The following RIPK1 variants were observed in gnomAD, a reference collection of about 807,000 sequenced individuals.
RIPK1 encodes receptor-interacting serine/threonine-protein kinase 1.
RIPK1 carries 27 observed loss-of-function variants against 62.4 expected under a neutral mutation model. The observed-to-expected ratio is 0.43, with a 90% CI of 0.32 to 0.60. The LOEUF is 0.60. RIPK1 is among the 20% of genes least tolerant of loss of function. The pLI, the probability that RIPK1 is intolerant of heterozygous loss-of-function variation, is 0.07. For synonymous variants in RIPK1, 287 were observed against 303.2 expected, an observed-to-expected ratio of 0.95 and a Z score of 0.55; for missense variants, 735 against 831.0, an observed-to-expected ratio of 0.88 and a Z score of 1.42.
At chr6:3,071,123 C>T (rs1227523153) in intron 1 of RIPK1, among the ~76,000 whole-genome samples, 3 of 152,208 alleles carry the variant, frequency 2.0e-5, no homozygotes, top group Non-Finnish European at 2.9e-5. Context: ...AAGCATCAGG[C>T]TGCTGTAATC....
chr6:3,111,253 TTCA>T (rs35091993), intron 10 of RIPK1, among the ~76,000 whole-genome samples: 3,822 of 152,168 alleles, frequency 0.025, 84 homozygotes, highest in East Asian at 0.07. Context: ...GTGTTAAACT[TTCA>T]TCATCATCAT....
Position 3,105,764 on chromosome 6 carries a change from A to G in RIPK1, c.1289A>G (p.Gln430Arg). 1 of 1,614,254 alleles carries G rather than the reference A, an allele frequency of 6.2e-7. No homozygotes were observed. Among genetic ancestry groups the G allele is most frequent in the Non-Finnish European group, 8.5e-7 (1 of 1,180,040 alleles). Residue 430 changes from glutamine to arginine, a missense_variant, in exon 9 of 11, where the codon CAG (glutamine) becomes CGG (arginine). Around this residue, in one of 2 missense-constraint regions of RIPK1, gnomAD observed 671 missense variants for 726.2 expected, o/e 0.92. Transcript: ENST00000259808. This position sits in a 1 kb window ranked among gnomAD's most constrained non-coding sequence, Gnocchi z 4.5. ...CAGCAAAGACCTTACGAGAATTTTC[A>G]GAATACAGAGGGAAAAGGCACTGCT... ...FAQQRPYENFQNTEGKGTAYS... is the reference protein window; with the variant it reads ...FAQQRPYENFRNTEGKGTAYS...
chr6:3,077,273 A>G (rs1488012983), intron 2 of RIPK1, among the ~76,000 whole-genome samples: 4 of 152,138 alleles, frequency 2.6e-5, no homozygotes, highest in Non-Finnish European at 5.9e-5. Context: ...TGAAAAGGAA[A>G]CAGGAGGATG....
At chr6:3,077,018 G>A (rs753965185) in intron 2 of RIPK1, 31 bp downstream of exon 2, 4 of 1,560,598 alleles carry the variant, frequency 2.6e-6, no homozygotes, top group Non-Finnish European at 2.6e-6. Flanking sequence ...GGTGGGCTAA[G>A]TTCTGAGCGG....
chr6:3,073,343 C>T (rs935967061), intron 1 of RIPK1, among the ~76,000 whole-genome samples: 3 of 151,716 alleles, frequency 2.0e-5, no homozygotes, highest in Admixed American at 2.0e-4. Flanking sequence ...ATCCTTACCA[C>T]TTCTGTGAGG....
intron 1 of RIPK1, among the ~76,000 whole-genome samples, chr6:3,069,270 A>T (rs1205677848): frequency 2.0e-5 from 3 of 152,222 alleles, no homozygotes; most frequent in Admixed American, 6.5e-5. Context: ...TTGAGGCCGC[A>T]GCAGGTTCCA....
At position 3,106,153 on chromosome 6, in the gene RIPK1, G is replaced by A. The variant is rs1326656670; in HGVS notation, c.1576+102G>A. ...TAGATTGTGGGTTATAATGGGGACAGAGGGCATCATCAGCTGCCAGATGCA... is the reference window on the plus strand; with the variant it reads ...TAGATTGTGGGTTATAATGGGGACAAAGGGCATCATCAGCTGCCAGATGCA... On this transcript the variant is annotated intron_variant, in intron 9 of 10. Transcript: ENST00000259808. The A allele has an allele frequency of 3.3e-6, 3 of 908,160 alleles. No homozygotes were observed. The African/African-American group carries it at 5.0e-5, about 15-fold the overall frequency. 56.3% of individuals were successfully genotyped at this position (908,160 alleles called of 1,614,324 possible). A position where few individuals can be genotyped will look rare whatever the true frequency, so the allele number is the denominator to read the frequency against.
Position 3,072,405 on chromosome 6 carries a change from A to ATAT in RIPK1, c.-61+3744_-61+3745insTAT, listed in dbSNP as rs1491372194. ...TATCTATTTACATATATATATATAT[A>ATAT]AAACACACACAAATGTGAATATAAT... On this transcript the variant is annotated intron_variant, in intron 1 of 10. Transcript: ENST00000259808. This position sits in a 1 kb window ranked among gnomAD's most constrained non-coding sequence, Gnocchi z 5.6. Among the ~76,000 whole-genome samples the ATAT allele has an allele frequency of 2.7e-5, 4 of 149,308 alleles. No homozygotes were observed. Among genetic ancestry groups the ATAT allele is most frequent in the African/African-American group, 9.8e-5 (4 of 40,888 alleles).
chr6:3,080,602 G>C (rs1377025458), intron 3 of RIPK1, among the ~76,000 whole-genome samples: 1 of 152,164 alleles, frequency 6.6e-6, no homozygotes, highest in Non-Finnish European at 1.5e-5. Context: ...GTATCCCACA[G>C]AAACTGCTTG....
intron 7 of RIPK1, among the ~76,000 whole-genome samples, chr6:3,101,347 T>C (rs1354891470): frequency 6.6e-6 from 1 of 152,246 alleles, no homozygotes; most frequent in Non-Finnish European, 1.5e-5. Context: ...CCCAGCTCTT[T>C]GGGAGGACAA....
intron 9 of RIPK1, among the ~76,000 whole-genome samples, chr6:3,109,879 A>G (rs17548580): frequency 0.023 from 3,501 of 152,256 alleles, 82 homozygotes; most frequent in East Asian, 0.069. Flanking sequence ...GAGTGGAACC[A>G]TGCAGCATTT....
chr6:3,087,495 C>A (rs974168198), intron 6 of RIPK1, among the ~76,000 whole-genome samples: 25 of 149,216 alleles, frequency 1.7e-4, no homozygotes, highest in African/African-American at 5.9e-4. Context: ...TTCTATCATT[C>A]TGTCTTCCAG....
chr6:3,084,365 C>T (rs905123520), intron 5 of RIPK1, among the ~76,000 whole-genome samples: 2 of 152,182 alleles, frequency 1.3e-5, no homozygotes, highest in Admixed American at 6.5e-5. Flanking sequence ...CTACTGGCCT[C>T]GTCCCTAACC....
intron 7 of RIPK1, among the ~76,000 whole-genome samples, chr6:3,094,005 A>G (rs568595784): frequency 1.5e-5 from 2 of 131,726 alleles, no homozygotes; most frequent in Non-Finnish European, 3.1e-5. Context: ...TGCCGCACCT[A>G]GTAACTGCAG....
intron 7 of RIPK1, among the ~76,000 whole-genome samples, chr6:3,100,618 T>C (rs1650360501): frequency 6.6e-6 from 1 of 152,010 alleles, no homozygotes; most frequent in African/African-American, 2.4e-5. Flanking sequence ...TTTGAGACGG[T>C]CTTACTCTGT....
intron 1 of RIPK1, among the ~76,000 whole-genome samples, chr6:3,070,356 A>G (rs905597738): frequency 2.6e-5 from 4 of 152,230 alleles, no homozygotes. Context: ...CTTTAGTTGG[A>G]TATTACATTC....
In RIPK1 at chr6:3,089,595, T is replaced by G. The variant is rs1332044522; in HGVS notation, c.853T>G (p.Phe285Val). 1 of 1,538,216 alleles carries G rather than the reference T, an allele frequency of 6.5e-7. No homozygotes were observed. The highest frequency in any genetic ancestry group is 9.0e-7 in the Non-Finnish European group (1 of 1,116,528). Residue 285 changes from phenylalanine (F) to valine (V), a missense_variant, in exon 7 of 11, where the codon TTT becomes GTT. Phe to Val is a conservative substitution (Grantham distance 50). Transcript: ENST00000259808. ...TACTTTTACAGGCATTGAAGAAAAA[T>G]TTAGGCCTTTTTATTTAAGTCAATT... is the stretch of plus-strand genomic sequence containing the variant. The part of the protein sequence containing the change: ...RPTFPGIEEK[F>V]RPFYLSQLEE...
chr6:3,067,248 C>G (rs1758422082), upstream of RIPK1, among the ~76,000 whole-genome samples: 1 of 151,922 alleles, frequency 6.6e-6, no homozygotes, highest in African/African-American at 2.4e-5. Context: ...AAGCTTTCAA[C>G]TCGTTTGGGT....
At chr6:3,080,913 T>A (rs532284528) in intron 3 of RIPK1, 66 bp from the exon 4 acceptor site, 2 of 1,517,024 alleles carry the variant, frequency 1.3e-6, no homozygotes, top group South Asian at 2.4e-5. Context: ...CACCCTTTCA[T>A]GAAACAGTTG....
Sources: gnomAD v4.1 joint callset for allele counts (sites outside exome capture counted in the v4.1 genomes callset) on GRCh38, gnomAD v4.1.1 for gene constraint, gnomAD v4.1.1 regional missense constraint, Gnocchi (gnomAD v3.1) non-coding constraint, MANE v1.5 for transcripts, NCBI Gene and HGNC (gene_info 2026-07-23, HGNC 2026-07-21) for gene names.